The following PPP1CC variants were observed in gnomAD, a reference collection of about 807,000 sequenced individuals.
The protein encoded by PPP1CC is protein phosphatase 1 catalytic subunit gamma, also known as serine/threonine-protein phosphatase PP1-gamma catalytic subunit.
PPP1CC carries 16 observed loss-of-function variants against 38.4 expected under a neutral mutation model. The ratio of observed to expected loss-of-function variants is 0.42; its 90% CI spans 0.28 to 0.63. The LOEUF is 0.63. Among genes scored for constraint, PPP1CC ranks in the 30% least tolerant of loss-of-function variants. PPP1CC has a pLI of 0.25. For missense variants in PPP1CC, 170 were observed against 391.3 expected, an observed-to-expected ratio of 0.43 and a Z score of 4.77; for synonymous variants, 158 against 136.0, an observed-to-expected ratio of 1.16 and a Z score of -1.13.
chr12:110,721,499 G>C (rs1269373804), intron 6 of PPP1CC: 1 of 192,990 alleles, frequency 5.2e-6, no homozygotes, highest in Non-Finnish European at 1.1e-5. Context: ...ACCTGTAGGG[G>C]ATCCTTGCAC....
intron 1 of PPP1CC, chr12:110,732,173 C>G: frequency 3.8e-6 from 2 of 519,798 alleles, no homozygotes; most frequent in Non-Finnish European, 6.8e-6. Context: ...AACAGGACTG[C>G]AGGCCAGATG....
chr12:110,724,693 T>C lies in PPP1CC; in HGVS notation c.490A>G (p.Ile164Val). The C allele has an allele frequency of 1.2e-6, 2 of 1,610,886 alleles. No individual in the cohort carries two copies. The highest frequency in any genetic ancestry group is 1.7e-6 in the Non-Finnish European group (2 of 1,177,188). ...DCFNCLPIAA[I>V]VDEKIFCCHG... ...CAGCAGAATATCTTCTCATCCACGA[T>C]GGCTGCTATCGGTAAACAGTTAAAA... The change falls in exon 4 of 7, where the codon ATC becomes GTC. Residue 164 changes from isoleucine (I) to valine (V), a missense_variant. Around this residue, in one of 3 missense-constraint regions of PPP1CC, gnomAD observed 117 missense variants for 344.4 expected, o/e 0.34. Coordinates refer to ENST00000335007, the MANE Select transcript of PPP1CC (RefSeq NM_002710.4).
chr12:110,711,984 G>A, the PPP1CC span, among the ~76,000 whole-genome samples: 2 of 152,036 alleles, frequency 1.3e-5, no homozygotes, highest in Non-Finnish European at 2.9e-5. Context: ...GCCACCTAAC[G>A]AGTTTTCAGT....
At chr12:110,728,397 CAAAAAAA>C (rs1234259790) in intron 3 of PPP1CC, among the ~76,000 whole-genome samples, 2 of 78,600 alleles carry the variant, frequency 2.5e-5, no homozygotes, top group African/African-American at 7.6e-5. Context: ...GACTCCGTCT[CAAAAAAA>C]AAAAAAAAAA....
chr12:110,721,436 T>C (rs1408654218), intron 6 of PPP1CC: 1 of 267,088 alleles, frequency 3.7e-6, no homozygotes, highest in Non-Finnish European at 7.1e-6. Flanking sequence ...GTAGTATCTT[T>C]AGCTACTCCT....
At chr12:110,721,816 T>C (rs2069742271) in intron 6 of PPP1CC, 2 of 396,642 alleles carry the variant, frequency 5.0e-6, no homozygotes, top group Admixed American at 4.0e-5. Flanking sequence ...ACTTTTCACA[T>C]TCAAGTGGTG....
chr12:110,715,502 A>G (rs2069680502), downstream of PPP1CC, among the ~76,000 whole-genome samples: 1 of 151,570 alleles, frequency 6.6e-6, no homozygotes, highest in South Asian at 2.1e-4. Context: ...TTGTATTATT[A>G]TATTTTTAAT....
Position 110,742,638 on chromosome 12 carries a change from C to A in PPP1CC, c.55+15G>T. 6.9e-7 allele frequency: 1 copy of A among 1,449,814 alleles called. No homozygotes were observed. The highest frequency in any genetic ancestry group is 1.5e-5 in the South Asian group (1 of 68,744). 89.8% of individuals were successfully genotyped at this position (1,449,814 alleles called of 1,614,324 possible). A position where few individuals can be genotyped will look rare whatever the true frequency, so the allele number is the denominator to read the frequency against. ...AGGCCCGCCTCCCCCTTCAGCCGCC[C>A]GCCGCCCCCCTTACCTTCCAGCAGC... is the stretch of plus-strand genomic sequence containing the variant. On this transcript the variant is annotated intron_variant, in intron 1 of 6. Transcript: ENST00000335007.
chr12:110,727,022 T>C (rs1386633126), intron 3 of PPP1CC, among the ~76,000 whole-genome samples: 1 of 152,168 alleles, frequency 6.6e-6, no homozygotes, highest in African/African-American at 2.4e-5. Context: ...ACTGCAACCA[T>C]GGTCTCCCAG....
chr12:110,724,331 CAGG>C (rs2069771285), intron 4 of PPP1CC, among the ~76,000 whole-genome samples: 1 of 152,192 alleles, frequency 6.6e-6, no homozygotes, highest in Non-Finnish European at 1.5e-5. Flanking sequence ...AAGTCCGAGG[CAGG>C]AGGACTGCTT....
At chr12:110,735,196 G>C (rs1281547247) in intron 1 of PPP1CC, among the ~76,000 whole-genome samples, 1 of 151,376 alleles carries the variant, frequency 6.6e-6, no homozygotes, top group Non-Finnish European at 1.5e-5. Context: ...TGGGATTATA[G>C]GCGTGCGCCA....
intron 1 of PPP1CC, among the ~76,000 whole-genome samples, chr12:110,738,785 C>T (rs2069977638): frequency 6.6e-6 from 1 of 152,198 alleles, no homozygotes; most frequent in Admixed American, 6.5e-5. Flanking sequence ...CAAGAGGGCA[C>T]TGCGGGCACA....
chr12:110,730,449 C>G, intron 3 of PPP1CC, 80 bp downstream of exon 3: 2 of 1,122,534 alleles, frequency 1.8e-6, no homozygotes, highest in South Asian at 3.1e-5. Flanking sequence ...CTCACAATTC[C>G]TAACAGAAGT....
intron 3 of PPP1CC, chr12:110,725,148 T>C (rs932335438): frequency 1.3e-5 from 2 of 153,240 alleles, no homozygotes; most frequent in African/African-American, 4.8e-5. Flanking sequence ...ATGAAATCTT[T>C]TTAAATTCCA....
chr12:110,731,216 C>T (rs534378121), intron 2 of PPP1CC, among the ~76,000 whole-genome samples: 1 of 121,080 alleles, frequency 8.3e-6, no homozygotes, highest in African/African-American at 3.1e-5. Flanking sequence ...CCCCACCCAT[C>T]AATGCATTTA....
chr12:110,740,324 G>A (rs745497872), intron 1 of PPP1CC, among the ~76,000 whole-genome samples: 16 of 152,168 alleles, frequency 1.1e-4, no homozygotes, highest in Non-Finnish European at 2.1e-4. Flanking sequence ...GGTGGCTCAT[G>A]ACTATAACCC....
chr12:110,735,978 T>A (rs1467002912), intron 1 of PPP1CC, among the ~76,000 whole-genome samples: 1 of 151,948 alleles, frequency 6.6e-6, no homozygotes, highest in African/African-American at 2.4e-5. Flanking sequence ...GGCAGGAGAA[T>A]CGCTGGAACC....
At position 110,720,185 on chromosome 12, in the gene PPP1CC, C is replaced by A; in HGVS notation, c.*891G>T. ...TATAATTTGAAGCTTTCTGAATGGA[C>A]GGGTTCAGGCCTGATGCAACTGTAA... On this transcript the variant is annotated 3_prime_UTR_variant, in exon 7 of 7. Transcript: ENST00000335007. 1 of 1,553,598 alleles carries A rather than the reference C, an allele frequency of 6.4e-7. No individual in the cohort carries two copies. The highest frequency in any genetic ancestry group is 8.7e-7 in the Non-Finnish European group (1 of 1,155,268).
intron 1 of PPP1CC, among the ~76,000 whole-genome samples, chr12:110,737,374 A>T (rs1203945863): frequency 2.0e-5 from 3 of 150,954 alleles, no homozygotes; most frequent in Non-Finnish European, 4.4e-5. Context: ...GCTACTCAAC[A>T]ACTGAGGCTG....
Sources: gnomAD v4.1 joint callset for allele counts (sites outside exome capture counted in the v4.1 genomes callset) on GRCh38, gnomAD v4.1.1 for gene constraint, gnomAD v4.1.1 regional missense constraint, MANE v1.5 for transcripts, NCBI Gene and HGNC (gene_info 2026-07-23, HGNC 2026-07-21) for gene names.